CIDEA: variants seen among roughly 807,000 people sequenced by gnomAD.
CIDEA encodes cell death inducing DFFA like effector a.
CIDEA carries 10 observed loss-of-function variants against 18.2 expected under a neutral mutation model. That is an observed-to-expected ratio of 0.55 (90% CI 0.34 to 0.93). The LOEUF is 0.93. CIDEA is among the 40% of genes least tolerant of loss of function. The pLI, the probability that CIDEA is intolerant of heterozygous loss-of-function variation, is 0.02. For missense variants in CIDEA, 309 were observed against 293.1 expected (o/e 1.05, Z -0.40); for synonymous variants, 128 against 124.8 (o/e 1.03, Z -0.17).
At position 12,263,016 on chromosome 18, in the gene CIDEA, C is replaced by T. The variant is rs201867778; in HGVS notation, c.183+47C>T. ...TCCCCCAGTCCACAGGGGTGCCCTG[C>T]ACTCACACAGGGCCATGGTCTTGGG... On this transcript the variant is annotated intron_variant, in intron 2 of 4. Transcript: ENST00000320477. The T allele has an allele frequency of 1.3e-5, 21 of 1,594,320 alleles. No individual in the cohort carries two copies. The East Asian group carries it at 4.7e-4, about 36-fold the overall frequency.
intron 3 of CIDEA, 97 bp downstream of exon 3, chr18:12,264,550 C>CTT: frequency 1.1e-5 from 6 of 533,624 alleles, no homozygotes; most frequent in East Asian, 4.5e-5. Context: ...CACTTTCTTT[C>CTT]TTTTTTTTTT....
At chr18:12,270,894 C>CTTTTT (rs771335202) in intron 3 of CIDEA, among the ~76,000 whole-genome samples, 153 of 59,986 alleles carry the variant, frequency 2.6e-3, no homozygotes, top group East Asian at 4.0e-3. Flanking sequence ...TTTTTCTTTT[C>CTTTTT]TTTTTTTTTT....
intron 3 of CIDEA, among the ~76,000 whole-genome samples, chr18:12,268,370 G>GC (rs1912417182): frequency 2.2e-5 from 3 of 136,364 alleles, no homozygotes; most frequent in African/African-American, 8.6e-5. Flanking sequence ...ATGAGCCACC[G>GC]CCCCCAGTGG....
rs1209959373 is a variant in CIDEA, at chr18:12,272,160, G to T, written c.331-1933G>T. Reference sequence around the variant, plus strand: ...TTTGAGTGTGTGTGTGGGGGGGGGGGGTTGGGGGGGGGTTGTTGTTGTTGT... The same window carrying T: ...TTTGAGTGTGTGTGTGGGGGGGGGGTGTTGGGGGGGGGTTGTTGTTGTTGT... On this transcript the variant is annotated intron_variant, in intron 3 of 4. Coordinates refer to ENST00000320477, the MANE Select transcript of CIDEA (RefSeq NM_001279.4). Among the ~76,000 whole-genome samples the T allele has an allele frequency of 3.4e-3, 48 of 14,288 alleles. 2 individuals carry two copies. Among genetic ancestry groups the T allele is most frequent in the African/African-American group, 6.4e-3 (48 of 7,538 alleles). The allele number at this position is 14,288 out of a possible 152,430, so 9.4% of individuals were successfully genotyped here.
chr18:12,260,858 G>A (rs759598460), intron 1 of CIDEA, among the ~76,000 whole-genome samples: 6 of 152,110 alleles, frequency 3.9e-5, no homozygotes, highest in Admixed American at 6.5e-5. Flanking sequence ...TCATTCTCTT[G>A]AATGTCCGTG....
intron 3 of CIDEA, among the ~76,000 whole-genome samples, chr18:12,264,721 CT>C (rs1317620628): frequency 6.6e-6 from 1 of 151,716 alleles, no homozygotes; most frequent in Non-Finnish European, 1.5e-5. Context: ...GCCTGGCTAA[CT>C]TTTTGTATTT....
chr18:12,276,142 C>A (rs1905326488), intron 4 of CIDEA, among the ~76,000 whole-genome samples: 1 of 151,654 alleles, frequency 6.6e-6, no homozygotes, highest in South Asian at 2.1e-4. Context: ...TACAGGCATG[C>A]ACCACCACAC....
chr18:12,273,735 C>A (rs1912616094), intron 3 of CIDEA, among the ~76,000 whole-genome samples: 1 of 152,200 alleles, frequency 6.6e-6, no homozygotes, highest in Non-Finnish European at 1.5e-5. Context: ...AGATGAGATT[C>A]TTTTGTCACC....
intron 3 of CIDEA, among the ~76,000 whole-genome samples, chr18:12,273,140 G>T (rs577479056): frequency 2.0e-5 from 3 of 152,306 alleles, no homozygotes; most frequent in African/African-American, 7.2e-5. Flanking sequence ...CTGTATGGTG[G>T]GACAGGGGAA....
In CIDEA at chr18:12,266,762, A is replaced by ATT. The variant is rs11461531; in HGVS notation, c.330+2324_330+2325dup. On this transcript the variant is annotated intron_variant, in intron 3 of 4. Coordinates refer to ENST00000320477, the MANE Select transcript of CIDEA (RefSeq NM_001279.4). The stretch of plus-strand genomic sequence containing the variant: ...TAAAACAAGATACAATGCACAAGTC[A>ATT]TTTTTTTTTTTTTTTTGAGACAGAG... Among the ~76,000 whole-genome samples, 656 of 141,870 alleles carry ATT rather than the reference A, an allele frequency of 4.6e-3. 4 individuals are homozygous for ATT. The highest frequency in any genetic ancestry group is 0.014 in the Middle Eastern group (4 of 282). 93.1% of individuals were successfully genotyped at this position (141,870 alleles called of 152,430 possible).
chr18:12,260,400 G>T (rs1912158450), intron 1 of CIDEA, among the ~76,000 whole-genome samples: 2 of 151,772 alleles, frequency 1.3e-5, no homozygotes, highest in African/African-American at 2.4e-5. Context: ...TGCCCAGATT[G>T]GTCTCTAACT....
At chr18:12,269,838 C>T (rs932181905) in intron 3 of CIDEA, among the ~76,000 whole-genome samples, 1 of 152,132 alleles carries the variant, frequency 6.6e-6, no homozygotes, top group Non-Finnish European at 1.5e-5. Context: ...ATTGGGACTA[C>T]CGGTGCATGT....
At chr18:12,266,902 A>C (rs1265438990) in intron 3 of CIDEA, among the ~76,000 whole-genome samples, 2 of 151,918 alleles carry the variant, frequency 1.3e-5, no homozygotes, top group Admixed American at 1.3e-4. Flanking sequence ...CTGGGACTAC[A>C]GGCACGTGCC....
intron 1 of CIDEA, 194 bp downstream of exon 1, chr18:12,254,615 C>G: frequency 6.6e-7 from 1 of 1,505,544 alleles, no homozygotes; most frequent in Non-Finnish European, 8.9e-7. Context: ...CAGCCGCGCC[C>G]GCGGGCAGAG....
At chr18:12,263,597 A>C (rs1240147134) in intron 2 of CIDEA, 2 of 152,252 alleles carry the variant, frequency 1.3e-5, no homozygotes, top group African/African-American at 4.8e-5. Flanking sequence ...TTTCTTTGAC[A>C]AGGGAGGATG....
chr18:12,254,510 G>T, intron 1 of CIDEA, 89 bp downstream of exon 1: 3 of 1,544,448 alleles, frequency 1.9e-6, no homozygotes, highest in Middle Eastern at 3.3e-4. Flanking sequence ...CTCTAGTACC[G>T]TACCCCGCTC....
chr18:12,264,623 G>A (rs998030379), intron 3 of CIDEA, among the ~76,000 whole-genome samples, 170 bp downstream of exon 3: 14 of 151,642 alleles, frequency 9.2e-5, no homozygotes, highest in Admixed American at 8.5e-4. Flanking sequence ...GCGCGATCTC[G>A]GCTCACTGCA....
chr18:12,271,656 G>A (rs1387411977), intron 3 of CIDEA, among the ~76,000 whole-genome samples: 2 of 152,212 alleles, frequency 1.3e-5, no homozygotes, highest in Admixed American at 6.5e-5. Context: ...AGGGTGGTGG[G>A]GGCGGTCGAT....
At chr18:12,255,182 T>C (rs1161190334) in intron 1 of CIDEA, among the ~76,000 whole-genome samples, 1 of 152,234 alleles carries the variant, frequency 6.6e-6, no homozygotes, top group East Asian at 1.9e-4. Flanking sequence ...AGTCATTGCG[T>C]GGCAGCAACT....
Sources: allele counts gnomAD v4.1 joint callset (sites outside exome capture counted in the v4.1 genomes callset), GRCh38; gene constraint gnomAD v4.1.1; transcripts MANE v1.5; gene names NCBI Gene and HGNC (gene_info 2026-07-23, HGNC 2026-07-21).